Variants in ADCY5 observed in about 807,000 individuals in gnomAD.
The protein encoded by ADCY5 is adenylate cyclase type 5.
ADCY5 carries 30 observed loss-of-function variants against 119.7 expected under a neutral mutation model. The observed-to-expected ratio is 0.25, with a 90% CI of 0.19 to 0.34. The LOEUF is 0.34. ADCY5 is among the 10% of genes least tolerant of loss of function. The pLI is 1.00. For missense variants in ADCY5, 1,324 were observed against 1,775.2 expected (o/e 0.75, Z 4.57); for synonymous variants, 753 against 762.2 (o/e 0.99, Z 0.20).
Position 123,448,014 on chromosome 3 carries a change from C to A in ADCY5, c.532G>T (p.Val178Phe). 1.6e-6 allele frequency: 2 copies of A among 1,273,058 alleles called. 1 individual carries two copies. The highest frequency in any genetic ancestry group is 5.4e-4 in the Middle Eastern group (2 of 3,706). 78.9% of individuals were successfully genotyped at this position (1,273,058 alleles called of 1,614,324 possible). Residue 178 changes from valine to phenylalanine, a missense_variant, in exon 1 of 21, where the codon GTC (valine) becomes TTC (phenylalanine). By Grantham distance (50) the Val-to-Phe change is conservative. Transcript: ENST00000462833. ...TCCCCGGACCCCTCGCCGCCCTCGA[C>A]GGCGCCGGCCTCCAGCTCGTCGGCC... Reference protein sequence around the residue: ...RAADELEAGAVEGGEGSGDGG... With the variant: ...RAADELEAGAFEGGEGSGDGG...
rs1576611918 is a variant in ADCY5, at chr3:123,352,217, C to T, written c.1284+215G>A. ...AGGGACGCCACATGGCTATGGGCAC[C>T]AGGCCTTGGGCACGGGCTGGGTAGA... is the stretch of plus-strand genomic sequence containing the variant. On this transcript the variant is annotated intron_variant, in intron 2 of 20. Transcript: ENST00000462833. The surrounding 1 kb of genome is among the most constrained non-coding windows in gnomAD (Gnocchi z 4.8). 6.6e-6 allele frequency among the ~76,000 whole-genome samples: 1 copy of T among 152,144 alleles called. No individual in the cohort carries two copies. Among genetic ancestry groups the T allele is most frequent in the Non-Finnish European group, 1.5e-5 (1 of 67,996 alleles).
intron 1 of ADCY5, among the ~76,000 whole-genome samples, chr3:123,389,028 A>T (rs970021400): frequency 2.0e-5 from 3 of 151,982 alleles, no homozygotes; most frequent in Admixed American, 2.0e-4. Context: ...TCATGGAAGG[A>T]AGGAGGGAGG....
At chr3:123,338,647 G>A (rs1357600949) in intron 3 of ADCY5, among the ~76,000 whole-genome samples, 2 of 152,300 alleles carry the variant, frequency 1.3e-5, no homozygotes, top group East Asian at 3.9e-4. Context: ...ACTGGGATAG[G>A]GCCACCCTGG....
Position 123,303,222 on chromosome 3 carries a change from G to T in ADCY5, c.2560-3C>A, listed in dbSNP as rs1365818476. 7 of 1,611,326 alleles carry T rather than the reference G, an allele frequency of 4.3e-6. No individual in the cohort carries two copies. Among genetic ancestry groups the T allele is most frequent in the East Asian group, 4.5e-5 (2 of 44,808 alleles). On this transcript the variant is annotated splice_region_variant and splice_polypyrimidine_tract_variant and intron_variant, in intron 13 of 20. Coordinates refer to ENST00000462833, the MANE Select transcript of ADCY5 (RefSeq NM_183357.3). ...AGGTCCCTGGAGTTGCACGTGAACT[G>T]GGGGGAGGAAGGAGGGTGATGAGGG...
chr3:123,421,922 T>A (rs1389745605), intron 1 of ADCY5, among the ~76,000 whole-genome samples: 1 of 152,200 alleles, frequency 6.6e-6, no homozygotes, highest in Admixed American at 6.5e-5. Context: ...AGCCCTGGCC[T>A]GGAGCCAGCC....
At chr3:123,386,227 T>A (rs56768921) in intron 1 of ADCY5, among the ~76,000 whole-genome samples, 72,483 of 151,896 alleles carry the variant, frequency 0.48, 18,099 homozygotes, top group East Asian at 0.68. Context: ...TTGACACTTT[T>A]CTCCTCCTGG....
intron 1 of ADCY5, among the ~76,000 whole-genome samples, chr3:123,414,165 T>G (rs1945129732): frequency 6.6e-6 from 1 of 152,130 alleles, no homozygotes; most frequent in South Asian, 2.1e-4. Flanking sequence ...TTCAAAGACC[T>G]GCCACCACTC....
intron 19 of ADCY5, among the ~76,000 whole-genome samples, chr3:123,288,982 G>C (rs1360006179): frequency 6.6e-6 from 1 of 152,174 alleles, no homozygotes; most frequent in Non-Finnish European, 1.5e-5. Flanking sequence ...TGGATGAGCA[G>C]CCACTGGAAG....
Position 123,448,549 on chromosome 3 carries a change from C to T in ADCY5, c.-4G>A, listed in dbSNP as rs1279887306. 4.7e-6 allele frequency: 6 copies of T among 1,263,820 alleles called. No individual in the cohort carries two copies. The highest frequency in any genetic ancestry group is 6.0e-6 in the Non-Finnish European group (6 of 1,006,456). The allele number at this position is 1,263,820 out of a possible 1,614,324, so 78.3% of individuals were successfully genotyped here. ...TCACGCTTTTGGAGCCGGACATCCCCCCCTCGGCCTCGTCGTCTCCTTCCT... is the reference window on the plus strand; with the variant it reads ...TCACGCTTTTGGAGCCGGACATCCCTCCCTCGGCCTCGTCGTCTCCTTCCT... On this transcript the variant is annotated 5_prime_UTR_variant, in exon 1 of 21. Transcript: ENST00000462833.
intron 1 of ADCY5, among the ~76,000 whole-genome samples, chr3:123,394,787 G>A (rs766434634): frequency 1.2e-4 from 19 of 152,190 alleles, no homozygotes; most frequent in Non-Finnish European, 2.2e-4. Flanking sequence ...GCTTTGTATT[G>A]TGGCAGGGGA....
intron 8 of ADCY5, among the ~76,000 whole-genome samples, chr3:123,323,916 G>A (rs912815840): frequency 2.6e-5 from 4 of 152,262 alleles, no homozygotes; most frequent in Admixed American, 2.0e-4. Flanking sequence ...TGTGGGTACA[G>A]AGTCTGCAGG....
chr3:123,406,095 C>T (rs552585396), intron 1 of ADCY5, among the ~76,000 whole-genome samples: 10 of 152,310 alleles, frequency 6.6e-5, no homozygotes, highest in Middle Eastern at 3.4e-3. Flanking sequence ...GGCCATACTC[C>T]CAACCACCTT....
intron 3 of ADCY5, among the ~76,000 whole-genome samples, chr3:123,335,318 T>C (rs543809474): frequency 6.6e-6 from 1 of 152,202 alleles, no homozygotes; most frequent in Non-Finnish European, 1.5e-5. Context: ...TCGTGGGAAC[T>C]GTGAGTGACA....
In ADCY5 at chr3:123,447,764, G is replaced by A; in HGVS notation, c.782C>T (p.Ala261Val). The stretch of plus-strand genomic sequence containing the variant: ...GGGCAGCTGGAGCGGGGGCCGCGCC[G>A]CGTGGAAGGCCAACATGACCAGGCA... Reference protein sequence around the residue: ...LVCLVMLAFHAARPPLQLPYL... With the variant: ...LVCLVMLAFHVARPPLQLPYL... The change falls in exon 1 of 21, where the codon GCG becomes GTG. Residue 261 changes from alanine to valine, a missense_variant. By Grantham distance (64) the Ala-to-Val change is moderately conservative (BLOSUM62 0). Around this residue, in one of 6 missense-constraint regions of ADCY5, gnomAD observed 585 missense variants for 569.9 expected, o/e 1.03. Transcript: ENST00000462833. 1 of 1,607,934 alleles carries A rather than the reference G, an allele frequency of 6.2e-7. No individual in the cohort carries two copies. The highest frequency in any genetic ancestry group is 1.1e-5 in the South Asian group (1 of 90,778).
chr3:123,330,627 A>G (rs983968493), intron 5 of ADCY5, among the ~76,000 whole-genome samples: 1 of 151,506 alleles, frequency 6.6e-6, no homozygotes, highest in Non-Finnish European at 1.5e-5. Flanking sequence ...CCTCTCCTCC[A>G]CTCCTGGAGT....
chr3:123,448,639 G>T lies in ADCY5; in HGVS notation c.-94C>A. On this transcript the variant is annotated 5_prime_UTR_variant, in exon 1 of 21. Coordinates refer to ENST00000462833, the MANE Select transcript of ADCY5 (RefSeq NM_183357.3). Reference sequence around the variant, plus strand: ...GCGGACGGCCGAGCAGGGGGACCAGGCTAGGGTCACACGTCGGGGGCGGCC... The same window carrying T: ...GCGGACGGCCGAGCAGGGGGACCAGTCTAGGGTCACACGTCGGGGGCGGCC... 2 of 1,176,772 alleles carry T rather than the reference G, an allele frequency of 1.7e-6. No homozygotes were observed. The highest frequency in any genetic ancestry group is 2.1e-6 in the Non-Finnish European group (2 of 932,578). The allele number at this position is 1,176,772 out of a possible 1,614,324, so 72.9% of individuals were successfully genotyped here.
intron 1 of ADCY5, among the ~76,000 whole-genome samples, chr3:123,363,092 G>A (rs1445143362): frequency 7.0e-6 from 1 of 142,250 alleles, no homozygotes; most frequent in Non-Finnish European, 1.5e-5. Context: ...GCAGTGAGCC[G>A]AGATCACATC....
intron 1 of ADCY5, among the ~76,000 whole-genome samples, chr3:123,378,220 T>C (rs1943908412): frequency 6.6e-6 from 1 of 152,106 alleles, no homozygotes; most frequent in South Asian, 2.1e-4. Context: ...TCCCAGTCCC[T>C]GGGAGGGGTG....
At chr3:123,436,401 T>C (rs547713062) in intron 1 of ADCY5, among the ~76,000 whole-genome samples, 2 of 151,448 alleles carry the variant, frequency 1.3e-5, no homozygotes, top group East Asian at 3.9e-4. Flanking sequence ...CAGTAATTTG[T>C]CTTTTAAAAA....
Sources: gnomAD v4.1 joint callset for allele counts (sites outside exome capture counted in the v4.1 genomes callset) on GRCh38, gnomAD v4.1.1 for gene constraint, gnomAD v4.1.1 regional missense constraint, Gnocchi (gnomAD v3.1) non-coding constraint, MANE v1.5 for transcripts, NCBI Gene and HGNC (gene_info 2026-07-23, HGNC 2026-07-21) for gene names.